ITFG1: variants seen among roughly 807,000 people sequenced by gnomAD.
ITFG1 encodes the protein T-cell immunomodulatory protein.
In ITFG1, 34 loss-of-function variants were observed where a neutral mutation model predicts 81.8. That is an observed-to-expected ratio of 0.42 (90% confidence interval 0.32 to 0.55). ITFG1 has a LOEUF of 0.55. Ranked by LOEUF, ITFG1 falls within the 20% of genes least tolerant of loss-of-function variation. ITFG1 has a pLI of 0.17. For synonymous variants in ITFG1, 285 were observed against 270.6 expected (o/e 1.05, Z -0.52); for missense variants, 672 against 755.4 (o/e 0.89, Z 1.29).
chr16:47,448,935 C>T (rs1250319395), intron 5 of ITFG1: 2 of 152,094 alleles, frequency 1.3e-5, no homozygotes, highest in East Asian at 1.9e-4. Flanking sequence ...CTTCAATTAC[C>T]TCCTGAACCT....
intron 6 of ITFG1, among the ~76,000 whole-genome samples, chr16:47,387,317 C>T (rs1968474844): frequency 1.3e-5 from 2 of 152,172 alleles, no homozygotes; most frequent in Non-Finnish European, 1.5e-5. Context: ...AGCAAGCAAA[C>T]AACAATAACA....
upstream of ITFG1, chr16:47,461,199 C>G: frequency 1.0e-6 from 1 of 978,060 alleles, no homozygotes. Context: ...GCTGCCCTTC[C>G]GACGCTAAAA....
chr16:47,254,227 T>A (rs1005015202), intron 12 of ITFG1, among the ~76,000 whole-genome samples: 1 of 151,654 alleles, frequency 6.6e-6, no homozygotes, highest in Non-Finnish European at 1.5e-5. Context: ...TTTTTGTAAT[T>A]AAAAAAAATG....
chr16:47,295,042 T>C (rs1404637433), intron 10 of ITFG1, among the ~76,000 whole-genome samples: 4 of 152,138 alleles, frequency 2.6e-5, no homozygotes, highest in Non-Finnish European at 4.4e-5. Flanking sequence ...TCACTATGCC[T>C]AGGTTTTGAT....
intron 14 of ITFG1, among the ~76,000 whole-genome samples, chr16:47,215,598 C>T (rs1193315714): frequency 6.6e-6 from 1 of 151,994 alleles, no homozygotes; most frequent in East Asian, 1.9e-4. Flanking sequence ...ATTCCCATGA[C>T]CAAGAGATAA....
chr16:47,203,528 T>C (rs1346974743), intron 14 of ITFG1, among the ~76,000 whole-genome samples: 2 of 152,186 alleles, frequency 1.3e-5, no homozygotes, highest in Admixed American at 1.3e-4. Flanking sequence ...CTGGGGGTGA[T>C]GGGAGACAGT....
chr16:47,220,996 T>G (rs1254888528), intron 13 of ITFG1, among the ~76,000 whole-genome samples: 2 of 152,144 alleles, frequency 1.3e-5, no homozygotes, highest in Admixed American at 1.3e-4. Context: ...CATGTCACTC[T>G]CCCCAGCTCT....
At chr16:47,434,074 AC>A (rs1433188418) in intron 5 of ITFG1, among the ~76,000 whole-genome samples, 4 of 151,382 alleles carry the variant, frequency 2.6e-5, no homozygotes, top group Admixed American at 6.6e-5. Flanking sequence ...TGGATTAAAG[AC>A]TTAAAATATA....
At chr16:47,362,910 T>G (rs1386812694) in intron 8 of ITFG1, among the ~76,000 whole-genome samples, 1 of 152,112 alleles carries the variant, frequency 6.6e-6, no homozygotes, top group Non-Finnish European at 1.5e-5. Context: ...TTTATTTATT[T>G]TTTGAGAGGG....
At chr16:47,351,207 C>G (rs185543269) in intron 8 of ITFG1, among the ~76,000 whole-genome samples, 110 of 152,216 alleles carry the variant, frequency 7.2e-4, no homozygotes, top group African/African-American at 2.6e-3. Flanking sequence ...GAAGTTCTGG[C>G]CAGGGCAATT....
intron 5 of ITFG1, among the ~76,000 whole-genome samples, chr16:47,440,817 G>A (rs1322485274): frequency 6.6e-6 from 1 of 152,000 alleles, no homozygotes; most frequent in Non-Finnish European, 1.5e-5. Flanking sequence ...GCTAGCAGAA[G>A]GCAAGAAATA....
rs531932490 is a variant in ITFG1, at chr16:47,360,872, C to G, written c.802+4916G>C. ...TTAGAATTAACATCTGAATCTTTACCAAATATTATAAGGCTTCACAAAACA... is the reference window on the plus strand; with the variant it reads ...TTAGAATTAACATCTGAATCTTTACGAAATATTATAAGGCTTCACAAAACA... On this transcript the variant is annotated intron_variant, in intron 8 of 17. Coordinates refer to ENST00000320640, the MANE Select transcript of ITFG1 (RefSeq NM_030790.5). 2.4e-4 allele frequency among the ~76,000 whole-genome samples: 36 copies of G among 152,124 alleles called. No homozygotes were observed. In the South Asian group the frequency reaches 6.4e-3, roughly 27 times the overall value.
chr16:47,304,501 T>G (rs1967126874), intron 10 of ITFG1, among the ~76,000 whole-genome samples: 1 of 152,224 alleles, frequency 6.6e-6, no homozygotes, highest in Non-Finnish European at 1.5e-5. Context: ...CAGTTAACTG[T>G]ATGTGAGAGA....
At chr16:47,235,073 T>C (rs1400223471) in intron 13 of ITFG1, among the ~76,000 whole-genome samples, 1 of 152,144 alleles carries the variant, frequency 6.6e-6, no homozygotes, top group African/African-American at 2.4e-5. Flanking sequence ...TACCCAGTCA[T>C]GGGTATTTCT....
intron 8 of ITFG1, among the ~76,000 whole-genome samples, chr16:47,319,602 C>T (rs931457598): frequency 1.3e-5 from 2 of 152,102 alleles, no homozygotes; most frequent in Admixed American, 1.3e-4. Flanking sequence ...TTGAGACTTA[C>T]TAAAATTATT....
chr16:47,241,081 A>AAAC (rs1413692755), intron 12 of ITFG1, among the ~76,000 whole-genome samples: 2 of 152,194 alleles, frequency 1.3e-5, no homozygotes, highest in Non-Finnish European at 2.9e-5. Flanking sequence ...AAAAAAAAAA[A>AAAC]AACTCACAAT....
intron 6 of ITFG1, among the ~76,000 whole-genome samples, chr16:47,384,604 G>A (rs1223329771): frequency 6.6e-6 from 1 of 152,174 alleles, no homozygotes; most frequent in Non-Finnish European, 1.5e-5. Context: ...AAGTAATACA[G>A]TCTGATAACT....
At chr16:47,250,434 G>T (rs1966058849) in intron 12 of ITFG1, among the ~76,000 whole-genome samples, 1 of 151,506 alleles carries the variant, frequency 6.6e-6, no homozygotes, top group Non-Finnish European at 1.5e-5. Context: ...GGAGCAGTTT[G>T]ATCTTTAAGA....
chr16:47,336,147 A>T (rs1234402846), intron 8 of ITFG1, among the ~76,000 whole-genome samples: 1 of 152,220 alleles, frequency 6.6e-6, no homozygotes, highest in Non-Finnish European at 1.5e-5. Flanking sequence ...CAAAGTATAG[A>T]GACAAAAAGT....
Sources: allele counts gnomAD v4.1 joint callset (sites outside exome capture counted in the v4.1 genomes callset), GRCh38; gene constraint gnomAD v4.1.1; transcripts MANE v1.5; gene names NCBI Gene and HGNC (gene_info 2026-07-23, HGNC 2026-07-21).